The following RMST variants were observed in gnomAD, a reference collection of about 807,000 sequenced individuals.
RMST encodes long intergenic non-protein coding RNA 54.
intron 10 of RMST, among the ~76,000 whole-genome samples, chr12:97,513,061 C>G (rs766843233): frequency 1.4e-4 from 22 of 152,236 alleles, no homozygotes; most frequent in Non-Finnish European, 2.9e-4. Flanking sequence ...CACGCCCACC[C>G]GGAACTCGCG....
chr12:97,524,075 C>CAAAAAAAAAAAAAAAAAAA (rs537840796), intron 10 of RMST, among the ~76,000 whole-genome samples: 17 of 56,124 alleles, frequency 3.0e-4, no homozygotes, highest in Middle Eastern at 0.01. Flanking sequence ...GACTCTGTCT[C>CAAAAAAAAAAAAAAAAAAA]AAAAAAAAAA....
chr12:97,474,624 C>CAAAAAAAAAAAAAAAAAAAAA (rs34888626), intron 5 of RMST, among the ~76,000 whole-genome samples: 1 of 55,802 alleles, frequency 1.8e-5, no homozygotes, highest in Non-Finnish European at 3.3e-5. Context: ...AAAAAGAAGC[C>CAAAAAAAAAAAAAAAAAAAAA]AAAAAAAAAA....
chr12:97,548,051 C>T (rs181359315), intron 11 of RMST, among the ~76,000 whole-genome samples: 1 of 152,064 alleles, frequency 6.6e-6, no homozygotes, highest in African/African-American at 2.4e-5. Flanking sequence ...AGTCTTTAAC[C>T]TATTTTGAAT....
chr12:97,479,392 A>G (rs1167680673), intron 5 of RMST, among the ~76,000 whole-genome samples: 1 of 152,056 alleles, frequency 6.6e-6, no homozygotes, highest in African/African-American at 2.4e-5. Flanking sequence ...GCCTCGAGTT[A>G]TCCTCCTGCC....
At chr12:97,488,625 G>T (rs537480517) in intron 5 of RMST, among the ~76,000 whole-genome samples, 2 of 152,216 alleles carry the variant, frequency 1.3e-5, no homozygotes, top group East Asian at 1.9e-4. Context: ...AAGGCAGTTC[G>T]GTGCATCCTG....
chr12:97,542,453 G>A (rs567513832), intron 11 of RMST, among the ~76,000 whole-genome samples: 1 of 151,776 alleles, frequency 6.6e-6, no homozygotes, highest in Non-Finnish European at 1.5e-5. Flanking sequence ...AGGACTTCTC[G>A]AAAAAGAGAA....
chr12:97,489,800 G>A (rs1876555464), intron 5 of RMST, among the ~76,000 whole-genome samples: 1 of 152,114 alleles, frequency 6.6e-6, no homozygotes, highest in African/African-American at 2.4e-5. Flanking sequence ...CTTGATATGT[G>A]TCATGCACTG....
intron 11 of RMST, among the ~76,000 whole-genome samples, chr12:97,546,009 G>GT (rs1882897385): frequency 6.6e-6 from 1 of 152,102 alleles, no homozygotes; most frequent in Non-Finnish European, 1.5e-5. Flanking sequence ...AATTTTGAGT[G>GT]TTTAGTCACC....
At chr12:97,563,188 T>A (rs986022791) in intron 13 of RMST, 1 of 152,744 alleles carries the variant, frequency 6.5e-6, no homozygotes, top group Non-Finnish European at 1.5e-5. Context: ...CAGTGCATAG[T>A]ATTGTTTCTG....
At chr12:97,495,641 G>T (rs1481664604) in intron 9 of RMST, among the ~76,000 whole-genome samples, 1 of 151,976 alleles carries the variant, frequency 6.6e-6, no homozygotes. Context: ...ACGTGATACA[G>T]CCATTCTCTC....
chr12:97,494,094 A>T (rs2136457838), intron 8 of RMST: 1 of 152,266 alleles, frequency 6.6e-6, no homozygotes, highest in East Asian at 1.9e-4. Flanking sequence ...GCTCATACAG[A>T]AATTGTTTTA....
intron 5 of RMST, chr12:97,465,773 TC>T (rs1873111013): frequency 6.6e-6 from 1 of 152,196 alleles, no homozygotes; most frequent in African/African-American, 2.4e-5. Flanking sequence ...AACCGTTTCC[TC>T]TACTTCTTGC....
chr12:97,529,969 T>C (rs1240684776), intron 10 of RMST, among the ~76,000 whole-genome samples: 1 of 152,136 alleles, frequency 6.6e-6, no homozygotes, highest in Non-Finnish European at 1.5e-5. Context: ...TATAAAAATA[T>C]GATTTGAACT....
chr12:97,548,491 T>G, intron 11 of RMST, among the ~76,000 whole-genome samples: 1 of 140,934 alleles, frequency 7.1e-6, no homozygotes, highest in East Asian at 2.1e-4. Context: ...TTAACAATAT[T>G]AATTCTTTCA....
chr12:97,553,905 C>T (rs1295693307), intron 11 of RMST, among the ~76,000 whole-genome samples: 1 of 150,404 alleles, frequency 6.6e-6, no homozygotes, highest in African/African-American at 2.4e-5. Flanking sequence ...ATAGTATACA[C>T]ACATAGTAAA....
chr12:97,527,985 T>C (rs1030444050), intron 10 of RMST, among the ~76,000 whole-genome samples: 2 of 152,100 alleles, frequency 1.3e-5, no homozygotes, highest in Non-Finnish European at 2.9e-5. Flanking sequence ...ATATAATGAG[T>C]TTTCCTGTAG....
intron 5 of RMST, among the ~76,000 whole-genome samples, chr12:97,484,609 A>G (rs747538006): frequency 3.3e-5 from 5 of 152,330 alleles, no homozygotes; most frequent in Non-Finnish European, 7.3e-5. Context: ...GAAAACAAGG[A>G]TAGACTATAC....
Position 97,543,620 on chromosome 12 carries a change from C to T in RMST, n.1545+12761C>T, listed in dbSNP as rs551620283. On this transcript the variant is annotated intron_variant and non_coding_transcript_variant, in intron 11 of 13. Transcript: ENST00000640149. ...TGTGCGTATGACTATGAATAATGCT[C>T]CTGCTGCTGTCTAACATTTATATAA... 2.0e-5 allele frequency among the ~76,000 whole-genome samples: 3 copies of T among 152,024 alleles called. No homozygotes were observed. In the South Asian group the frequency reaches 6.2e-4, roughly 32 times the overall value.
At chr12:97,544,918 A>G (rs1469869003) in intron 11 of RMST, among the ~76,000 whole-genome samples, 1 of 152,092 alleles carries the variant, frequency 6.6e-6, no homozygotes, top group Non-Finnish European at 1.5e-5. Flanking sequence ...TTCATGCAAA[A>G]TGCTTAGCAG....
Sources: gnomAD v4.1 joint callset for allele counts (sites outside exome capture counted in the v4.1 genomes callset) on GRCh38, gnomAD v4.1.1 for gene constraint, MANE v1.5 for transcripts, NCBI Gene and HGNC (gene_info 2026-07-23, HGNC 2026-07-21) for gene names.